PLCG2: variants seen among roughly 807,000 people sequenced by gnomAD.
The protein encoded by PLCG2 is phospholipase C gamma 2.
Under a neutral mutation model 175.6 loss-of-function variants are expected in PLCG2, and 69 were observed. The observed-to-expected ratio is 0.39, with a 90% CI of 0.32 to 0.48. The LOEUF (loss-of-function observed/expected upper bound fraction) is 0.48, where lower values mean the gene tolerates loss of function less well. PLCG2 is among the 20% of genes least tolerant of loss of function. PLCG2 has a pLI of 0.91. For missense variants in PLCG2, 1,798 were observed against 1,650.9 expected (o/e 1.09, Z -1.54); for synonymous variants, 827 against 624.0 (o/e 1.33, Z -4.85).
At chr16:81,826,361 A>G (rs1166928305) in intron 2 of PLCG2, among the ~76,000 whole-genome samples, 1 of 152,120 alleles carries the variant, frequency 6.6e-6, no homozygotes, top group African/African-American at 2.4e-5. Context: ...ACCTAGGTGC[A>G]GTAGGAGGTC....
At position 81,937,803 on chromosome 16, in the gene PLCG2, G is replaced by T. The variant is rs760293225; in HGVS notation, c.3098G>T (p.Arg1033Leu). 2.5e-6 allele frequency: 4 copies of T among 1,613,744 alleles called. No homozygotes were observed. Among genetic ancestry groups the T allele is most frequent in the Non-Finnish European group, 2.5e-6 (3 of 1,179,710 alleles). ...MNHALFSLNG[R>L]TGYVLQPESM... ...CACGCATTGTTTTCTCTCAATGGGC[G>T]CACGGGCTACGTTCTGCAGCCTGAG... is the stretch of plus-strand genomic sequence containing the variant. The change falls in exon 28 of 33, where the codon CGC becomes CTC. Residue 1033 changes from arginine (R) to leucine (L), a missense_variant. By Grantham distance (102) the Arg-to-Leu change is moderately radical (BLOSUM62 -2). Coordinates refer to ENST00000564138, the MANE Select transcript of PLCG2 (RefSeq NM_002661.5).
chr16:81,873,896 C>G (rs1364371649), intron 7 of PLCG2, among the ~76,000 whole-genome samples: 1 of 152,194 alleles, frequency 6.6e-6, no homozygotes, highest in African/African-American at 2.4e-5. Flanking sequence ...TCAACCTGTA[C>G]TTTAATTATG....
intron 5 of PLCG2, 87 bp from the exon 6 acceptor site, chr16:81,869,127 G>T (rs2143526501): frequency 1.1e-6 from 1 of 927,558 alleles, no homozygotes; most frequent in Non-Finnish European, 1.8e-6. Context: ...ATAGAGGGCT[G>T]CCTGAGGTGG....
At chr16:81,881,441 C>G (rs1908075164) in intron 8 of PLCG2, among the ~76,000 whole-genome samples, 1 of 152,208 alleles carries the variant, frequency 6.6e-6, no homozygotes, top group South Asian at 2.1e-4. Context: ...AGGACATTCA[C>G]TGTGCCTCAT....
At chr16:81,837,371 G>T (rs1041396536) in intron 2 of PLCG2, among the ~76,000 whole-genome samples, 1 of 152,194 alleles carries the variant, frequency 6.6e-6, no homozygotes, top group African/African-American at 2.4e-5. Flanking sequence ...AAACGAGTGG[G>T]CACCCTGCAG....
chr16:81,884,416 C>T (rs13331991), intron 9 of PLCG2, among the ~76,000 whole-genome samples: 1 of 152,036 alleles, frequency 6.6e-6, no homozygotes, highest in African/African-American at 2.4e-5. Flanking sequence ...GTATTCAGCA[C>T]CAAGTACCTA....
chr16:81,866,802 A>G (rs1320620453), intron 5 of PLCG2, among the ~76,000 whole-genome samples: 3 of 152,112 alleles, frequency 2.0e-5, no homozygotes, highest in Middle Eastern at 3.2e-3. Context: ...TCCTCTCCCC[A>G]CGACCCCTCT....
intron 2 of PLCG2, among the ~76,000 whole-genome samples, chr16:81,802,699 G>T (rs949852444): frequency 2.0e-5 from 3 of 151,856 alleles, no homozygotes; most frequent in Middle Eastern, 3.4e-3. Flanking sequence ...AGCCTCCCAA[G>T]TAGCTGGGAT....
intron 10 of PLCG2, among the ~76,000 whole-genome samples, chr16:81,889,577 G>C (rs1314140522): frequency 6.6e-6 from 1 of 152,006 alleles, no homozygotes; most frequent in Non-Finnish European, 1.5e-5. Context: ...CTGAATGGGA[G>C]ACTGGAGTTT....
In PLCG2 at chr16:81,956,597, C is replaced by A. The variant is rs1472502108; in HGVS notation, c.3571-98C>A. The A allele has an allele frequency of 3.2e-5, 34 of 1,065,140 alleles. No individual in the cohort carries two copies. The East Asian group carries it at 7.7e-4, about 24-fold the overall frequency. 66.0% of individuals were successfully genotyped at this position (1,065,140 alleles called of 1,614,324 possible). A position where few individuals can be genotyped will look rare whatever the true frequency, so the allele number is the denominator to read the frequency against. On this transcript the variant is annotated intron_variant, in intron 31 of 32. Transcript: ENST00000564138. ...TAATCCAAGTTGCAAAACTTCTGCC[C>A]CATGCTCCCTTTGGGCATGCTTGTG...
In PLCG2 at chr16:81,803,720, C is replaced by T. The variant is rs188862346; in HGVS notation, c.193+17538C>T. Among the ~76,000 whole-genome samples the T allele has an allele frequency of 1.6e-3, 236 of 143,840 alleles. 1 individual carries two copies. Among genetic ancestry groups the T allele is most frequent in the South Asian group, 0.014 (59 of 4,120 alleles). The allele number at this position is 143,840 out of a possible 152,430, so 94.4% of individuals were successfully genotyped here. A position where few individuals can be genotyped will look rare whatever the true frequency, so the allele number is the denominator to read the frequency against. On this transcript the variant is annotated intron_variant, in intron 2 of 32. Transcript: ENST00000564138. Reference sequence around the variant, plus strand: ...TTTACTCTCTACAGTCTCACTGTGTCGGTCAGGCCGGAGGGCAGTGGTGCG... The same window carrying T: ...TTTACTCTCTACAGTCTCACTGTGTTGGTCAGGCCGGAGGGCAGTGGTGCG...
upstream of PLCG2, among the ~76,000 whole-genome samples, chr16:81,778,051 A>AAAAACAAAACAAACAAAC (rs1597311883): frequency 1.3e-5 from 1 of 79,156 alleles, no homozygotes; most frequent in Non-Finnish European, 2.4e-5. Flanking sequence ...AACAAAAAAA[A>AAAAACAAAACAAACAAAC]AAACAAAAAA....
chr16:81,830,875 C>G (rs1905233246), intron 2 of PLCG2, among the ~76,000 whole-genome samples: 1 of 151,832 alleles, frequency 6.6e-6, no homozygotes, highest in Non-Finnish European at 1.5e-5. Flanking sequence ...GACAGCGTGA[C>G]TAGAATGTCC....
rs1372444325 is a variant in PLCG2 at position 81,910,507 on chromosome 16, C to G, written c.1734-13C>G. On this transcript the variant is annotated splice_polypyrimidine_tract_variant and intron_variant, in intron 17 of 32. Coordinates refer to ENST00000564138, the MANE Select transcript of PLCG2 (RefSeq NM_002661.5). ...TGCGTTCTCCCAGCACTGATGGCGT[C>G]CTCTCCCCGCAGGCGGTCAGGCCGG... is the stretch of plus-strand genomic sequence containing the variant. The G allele has an allele frequency of 6.2e-7, 1 of 1,613,134 alleles. No individual in the cohort carries two copies. The highest frequency in any genetic ancestry group is 1.1e-5 in the South Asian group (1 of 91,072).
chr16:81,931,385 G>A, intron 24 of PLCG2, 112 bp from the exon 25 acceptor site: 1 of 971,534 alleles, frequency 1.0e-6, no homozygotes, highest in Non-Finnish European at 1.6e-6. Flanking sequence ...GCTAACCGTG[G>A]TCATAGCAGT....
chr16:81,778,066 A>C (rs1466370732), upstream of PLCG2, among the ~76,000 whole-genome samples: 15 of 84,940 alleles, frequency 1.8e-4, no homozygotes, highest in East Asian at 9.2e-4. Context: ...AAAAAAAACC[A>C]AAAACACACA....
At position 81,921,524 on chromosome 16, in the gene PLCG2, C is replaced by T. The variant is rs1054278081; in HGVS notation, c.2307+255C>T. On this transcript the variant is annotated intron_variant, in intron 21 of 32. Coordinates refer to ENST00000564138, the MANE Select transcript of PLCG2 (RefSeq NM_002661.5). The stretch of plus-strand genomic sequence containing the variant: ...TGAGGTTTGACGAACCACCTTTGGG[C>T]CAAATGGCTTCTAATGAAAAGTCTT... 6.1e-6 allele frequency: 3 copies of T among 491,522 alleles called. No individual in the cohort carries two copies. In the Admixed American group the frequency reaches 9.5e-5, roughly 16 times the overall value. The allele number at this position is 491,522 out of a possible 1,614,324, so 30.4% of individuals were successfully genotyped here. A position where few individuals can be genotyped will look rare whatever the true frequency, so the allele number is the denominator to read the frequency against.
At chr16:81,812,191 A>G (rs1904349584) in intron 2 of PLCG2, among the ~76,000 whole-genome samples, 1 of 151,858 alleles carries the variant, frequency 6.6e-6, no homozygotes, top group Non-Finnish European at 1.5e-5. Flanking sequence ...CTGGGACTAC[A>G]GGCACCTGCC....
intron 9 of PLCG2, 123 bp downstream of exon 9, chr16:81,883,464 C>G (rs1374815226): frequency 4.3e-6 from 3 of 702,670 alleles, no homozygotes; most frequent in Non-Finnish European, 7.5e-6. Flanking sequence ...CTGTGCTCAC[C>G]TGGCCACCTG....
Sources: gnomAD v4.1 joint callset for allele counts (sites outside exome capture counted in the v4.1 genomes callset) on GRCh38, gnomAD v4.1.1 for gene constraint, MANE v1.5 for transcripts, NCBI Gene and HGNC (gene_info 2026-07-23, HGNC 2026-07-21) for gene names.